Variants in FIRRM observed in about 807,000 individuals in gnomAD.
FIRRM encodes the protein FIGNL1-interacting regulator of recombination and mitosis.
At chr1:169,794,294 G>T in the FIRRM span, among the ~76,000 whole-genome samples, 1 of 152,166 alleles carries the variant, frequency 6.6e-6, no homozygotes, top group South Asian at 2.1e-4. Context: ...TACAGAAGAG[G>T]TGCAGTATTT....
At chr1:169,812,018 G>T in the FIRRM span, among the ~76,000 whole-genome samples, 1 of 152,182 alleles carries the variant, frequency 6.6e-6, no homozygotes. Context: ...CACCTTCTTT[G>T]TTGGCATTAA....
At chr1:169,830,117 T>C in the FIRRM span, 2 of 639,682 alleles carry the variant, frequency 3.1e-6, no homozygotes, top group African/African-American at 1.8e-5. Flanking sequence ...TCCTTTCAGA[T>C]ACTAGAAAGT....
chr1:169,786,079 A>G, the FIRRM span, among the ~76,000 whole-genome samples: 2 of 152,206 alleles, frequency 1.3e-5, no homozygotes, highest in Non-Finnish European at 2.9e-5. Flanking sequence ...GATAAGACAC[A>G]AGAGTTTCTG....
the FIRRM span, chr1:169,821,692 AC>A: frequency 6.2e-7 from 1 of 1,610,866 alleles, no homozygotes; most frequent in Non-Finnish European, 8.5e-7. Context: ...AATGCTGACT[AC>A]AGATTATTTC....
chr1:169,792,502 T>G, the FIRRM span: 1 of 1,301,922 alleles, frequency 7.7e-7, no homozygotes, highest in Non-Finnish European at 1.0e-6. Context: ...GAAAAAATAA[T>G]AGCAAAACAG....
the FIRRM span, chr1:169,795,191 C>G: frequency 3.9e-6 from 6 of 1,536,064 alleles, no homozygotes; most frequent in Non-Finnish European, 5.2e-6. Context: ...CGGGAACTGC[C>G]GTCCGTCCTG....
the FIRRM span, among the ~76,000 whole-genome samples, chr1:169,835,304 C>T: frequency 1.3e-5 from 2 of 152,116 alleles, no homozygotes; most frequent in African/African-American, 4.8e-5. Context: ...TGTTAGAATG[C>T]ATTTACTGTT....
At chr1:169,798,894 C>T in the FIRRM span, 1 of 1,277,000 alleles carries the variant, frequency 7.8e-7, no homozygotes, top group South Asian at 1.4e-5. Context: ...TACTATGATA[C>T]TAGTATCTTC....
chr1:169,792,979 A>C, the FIRRM span: 23 of 1,613,878 alleles, frequency 1.4e-5, no homozygotes, highest in Non-Finnish European at 1.8e-5. Context: ...CATTTTCTTC[A>C]TCTTCCAAAG....
chr1:169,827,096 C>T, the FIRRM span: 1 of 1,613,790 alleles, frequency 6.2e-7, no homozygotes, highest in East Asian at 2.2e-5. Context: ...CTAAAGCACA[C>T]CAAGAGGAAA....
chr1:169,843,938 G>C, the FIRRM span, among the ~76,000 whole-genome samples: 3 of 152,012 alleles, frequency 2.0e-5, no homozygotes, highest in African/African-American at 7.3e-5. Context: ...TTACAGTATT[G>C]TTAATATATG....
chr1:169,847,469 A>G, the FIRRM span, among the ~76,000 whole-genome samples: 2 of 152,258 alleles, frequency 1.3e-5, no homozygotes, highest in South Asian at 4.1e-4. Flanking sequence ...GGTTGGAGGC[A>G]GGAGGGTGTG....
At chr1:169,847,399 T>C in the FIRRM span, among the ~76,000 whole-genome samples, 2 of 151,552 alleles carry the variant, frequency 1.3e-5, no homozygotes, top group East Asian at 3.9e-4. Context: ...GTACAAAATA[T>C]GTTTTAAAGG....
At chr1:169,795,308 G>A in the FIRRM span, 3 of 1,447,222 alleles carry the variant, frequency 2.1e-6, no homozygotes, top group Non-Finnish European at 2.8e-6. Context: ...GCCAGGCTGG[G>A]TTATATTACC....
At chr1:169,848,451 A>C in the FIRRM span, among the ~76,000 whole-genome samples, 25 of 152,342 alleles carry the variant, frequency 1.6e-4, no homozygotes, top group African/African-American at 5.5e-4. Context: ...GACTATAAAG[A>C]GTTCACTAAT....
the FIRRM span, chr1:169,802,642 A>G: frequency 3.1e-6 from 5 of 1,611,344 alleles, no homozygotes; most frequent in Non-Finnish European, 4.2e-6. Flanking sequence ...ATTCGATGAC[A>G]TGATGTATGA....
chr1:169,853,703 A>C, the FIRRM span: 14 of 1,612,408 alleles, frequency 8.7e-6, no homozygotes, highest in Non-Finnish European at 1.2e-5. Context: ...AGTTTAACTC[A>C]CATCTATTGT....
the FIRRM span, among the ~76,000 whole-genome samples, chr1:169,815,155 G>A: frequency 6.6e-6 from 1 of 151,802 alleles, no homozygotes; most frequent in Admixed American, 6.6e-5. Context: ...AATTAGCTGG[G>A]CACAGTGGTG....
the FIRRM span, among the ~76,000 whole-genome samples, chr1:169,791,778 G>A: frequency 2.0e-5 from 3 of 152,108 alleles, no homozygotes; most frequent in South Asian, 6.2e-4. Flanking sequence ...ACTTCCAAGA[G>A]AGAAAAAAAT....
Sources: allele counts gnomAD v4.1 joint callset (sites outside exome capture counted in the v4.1 genomes callset), GRCh38; gene constraint gnomAD v4.1.1; transcripts MANE v1.5; gene names NCBI Gene and HGNC (gene_info 2026-07-23, HGNC 2026-07-21).